The following TP63 variants were observed in gnomAD, a reference collection of about 807,000 sequenced individuals.
TP63 encodes the protein tumor protein 63.
A neutral mutation model predicts 82.8 loss-of-function variants in TP63; 17 were observed. That is an observed-to-expected ratio of 0.21 (90% CI 0.14 to 0.31). The LOEUF (loss-of-function observed/expected upper bound fraction) is 0.31, where lower values mean the gene tolerates loss of function less well. TP63 is among the 10% of genes least tolerant of loss of function. TP63 has a pLI of 1.00. For missense variants in TP63, 648 were observed against 895.3 expected, an observed-to-expected ratio of 0.72 and a Z score of 3.52; for synonymous variants, 330 against 321.7, an observed-to-expected ratio of 1.03 and a Z score of -0.28.
the TP63 span, among the ~76,000 whole-genome samples, chr3:189,617,086 T>C: frequency 6.6e-6 from 1 of 152,200 alleles, no homozygotes; most frequent in Non-Finnish European, 1.5e-5. Context: ...CTGTAAAGGC[T>C]TCACTGAAGT....
At chr3:189,879,951 T>A in intron 10 of TP63, 1 of 1,377,798 alleles carries the variant, frequency 7.3e-7, no homozygotes, top group Middle Eastern at 2.0e-4. Flanking sequence ...GGCACTCTAT[T>A]CTGTCTATAC....
At chr3:189,772,344 G>A (rs946565417) in intron 3 of TP63, among the ~76,000 whole-genome samples, 3 of 152,204 alleles carry the variant, frequency 2.0e-5, no homozygotes, top group Admixed American at 1.3e-4. Flanking sequence ...AGATCGCATT[G>A]CTAATTGGTG....
intron 1 of TP63, among the ~76,000 whole-genome samples, chr3:189,660,217 A>G (rs1453613151): frequency 6.6e-6 from 1 of 151,744 alleles, no homozygotes; most frequent in African/African-American, 2.4e-5. Flanking sequence ...CCGTTTTAAT[A>G]TTTGTTTATG....
In TP63 at chr3:189,751,004, G is replaced by A. The variant is rs113130471; in HGVS notation, c.324+12230G>A. On this transcript the variant is annotated intron_variant, in intron 3 of 13. Coordinates refer to ENST00000264731, the MANE Select transcript of TP63 (RefSeq NM_003722.5). Reference sequence around the variant, plus strand: ...CTGCTGACAGGCCCTGATGTGTGATGTTCCCTGCCCTGTGTCCAAGTGTTC... The same window carrying A: ...CTGCTGACAGGCCCTGATGTGTGATATTCCCTGCCCTGTGTCCAAGTGTTC... 5.8e-3 allele frequency among the ~76,000 whole-genome samples: 884 copies of A among 152,082 alleles called. 11 individuals are homozygous for A. The highest frequency in any genetic ancestry group is 0.019 in the African/African-American group (775 of 41,492).
Position 189,894,603 on chromosome 3 carries a change from C to T in TP63, c.*101C>T, listed in dbSNP as rs574438859. 7.8e-4 allele frequency: 1,090 copies of T among 1,403,440 alleles called. 2 individuals are homozygous for T. Among genetic ancestry groups the T allele is most frequent in the Non-Finnish European group, 9.3e-4 (955 of 1,024,620 alleles). 86.9% of individuals were successfully genotyped at this position (1,403,440 alleles called of 1,614,324 possible). ...GCCTTCTCCCTAGCTCCTCCCCTTC[C>T]TCTTGTCTGATTTCTTAGGGGAAGG... On this transcript the variant is annotated 3_prime_UTR_variant, in exon 14 of 14. Coordinates refer to ENST00000264731, the MANE Select transcript of TP63 (RefSeq NM_003722.5).
chr3:189,862,950 G>A (rs6444404), intron 4 of TP63, among the ~76,000 whole-genome samples: 34,690 of 152,092 alleles, frequency 0.23, 6,852 homozygotes, highest in African/African-American at 0.54. Flanking sequence ...AAAATTTTGT[G>A]TGCTGGAATA....
At chr3:189,859,972 G>A (rs1374978828) in intron 4 of TP63, among the ~76,000 whole-genome samples, 1 of 152,162 alleles carries the variant, frequency 6.6e-6, no homozygotes, top group Non-Finnish European at 1.5e-5. Flanking sequence ...AGGAGCTAGG[G>A]AGGGGATGAA....
chr3:189,709,478 C>T (rs1026927879), intron 1 of TP63, among the ~76,000 whole-genome samples: 5 of 151,998 alleles, frequency 3.3e-5, no homozygotes, highest in Admixed American at 3.3e-4. Context: ...CATACTATTA[C>T]AACTTTGTCT....
At chr3:189,717,945 C>T (rs1719086291) in intron 1 of TP63, among the ~76,000 whole-genome samples, 1 of 152,078 alleles carries the variant, frequency 6.6e-6, no homozygotes, top group African/African-American at 2.4e-5. Context: ...CTATATAATC[C>T]ACTATTTCTG....
intron 13 of TP63, among the ~76,000 whole-genome samples, chr3:189,893,115 T>C (rs2108870116): frequency 6.6e-6 from 1 of 152,312 alleles, no homozygotes; most frequent in African/African-American, 2.4e-5. Flanking sequence ...ACTTCATTAG[T>C]ATCCCCATAA....
intron 1 of TP63, among the ~76,000 whole-genome samples, chr3:189,671,896 A>G (rs1714922988): frequency 6.6e-6 from 1 of 152,068 alleles, no homozygotes; most frequent in African/African-American, 2.4e-5. Flanking sequence ...GAAGGGTAGC[A>G]AGGAGGGAAA....
chr3:189,672,664 A>AAG (rs1715010926), intron 1 of TP63, among the ~76,000 whole-genome samples: 3 of 118,756 alleles, frequency 2.5e-5, no homozygotes, highest in South Asian at 3.2e-4. Context: ...AAGGAAGGAA[A>AAG]GAAGGAAGGA....
intron 4 of TP63, among the ~76,000 whole-genome samples, chr3:189,811,928 T>A (rs1295530306): frequency 6.6e-6 from 1 of 152,196 alleles, no homozygotes; most frequent in Admixed American, 6.5e-5. Context: ...GGTAAAGAAA[T>A]TTTTTGTGCC....
chr3:189,738,594 T>G, intron 2 of TP63, 48 bp from the exon 3 acceptor site: 2 of 1,613,800 alleles, frequency 1.2e-6, no homozygotes, highest in Non-Finnish European at 1.7e-6. Flanking sequence ...TGAGTATATT[T>G]TAGTCCCTTT....
intron 1 of TP63, among the ~76,000 whole-genome samples, chr3:189,692,794 A>G (rs965064762): frequency 3.9e-5 from 6 of 152,156 alleles, no homozygotes; most frequent in African/African-American, 7.2e-5. Context: ...GCTCACAGCT[A>G]TGAGTGGCCA....
chr3:189,815,898 A>G (rs888534173), intron 4 of TP63, among the ~76,000 whole-genome samples: 1 of 152,188 alleles, frequency 6.6e-6, no homozygotes, highest in African/African-American at 2.4e-5. Flanking sequence ...TTATCAGAAC[A>G]TATTTTTCTC....
At chr3:189,814,336 A>C (rs537239705) in intron 4 of TP63, among the ~76,000 whole-genome samples, 1 of 152,328 alleles carries the variant, frequency 6.6e-6, no homozygotes, top group South Asian at 2.1e-4. Context: ...CAGTGGAAGC[A>C]CTTCCCCCAT....
chr3:189,738,494 G>A, intron 2 of TP63, 148 bp from the exon 3 acceptor site: 9 of 1,128,304 alleles, frequency 8.0e-6, no homozygotes, highest in Non-Finnish European at 1.2e-5. Flanking sequence ...AAGTGATTGA[G>A]CCAGGACTCA....
chr3:189,671,932 A>G (rs959849075), intron 1 of TP63, among the ~76,000 whole-genome samples: 3 of 152,124 alleles, frequency 2.0e-5, no homozygotes, highest in African/African-American at 7.2e-5. Context: ...GTTAAGGTAT[A>G]CAAAGTTACA....
Sources: allele counts gnomAD v4.1 joint callset (sites outside exome capture counted in the v4.1 genomes callset), GRCh38; gene constraint gnomAD v4.1.1; transcripts MANE v1.5; gene names NCBI Gene and HGNC (gene_info 2026-07-23, HGNC 2026-07-21).